The following KIDINS220 variants were observed in gnomAD, a reference collection of about 807,000 sequenced individuals.
KIDINS220 encodes the protein kinase D-interacting substrate of 220 kDa.
KIDINS220 carries 63 observed loss-of-function variants against 157.6 expected under a neutral mutation model. The ratio of observed to expected loss-of-function variants is 0.40; its 90% confidence interval spans 0.33 to 0.49. The LOEUF (loss-of-function observed/expected upper bound fraction) is 0.49, where lower values mean the gene tolerates loss of function less well. Among genes scored for constraint, KIDINS220 ranks in the 20% least tolerant of loss-of-function variants. The probability of loss-of-function intolerance (pLI) is 0.66; values close to 1 mark genes in which losing one functional copy is unlikely to be tolerated. For synonymous variants in KIDINS220, 732 were observed against 783.6 expected (o/e 0.93, Z 1.10); for missense variants, 1,772 against 2,171.2 (o/e 0.82, Z 3.65).
downstream of KIDINS220, chr2:8,726,737 A>G: frequency 2.6e-6 from 1 of 388,906 alleles, no homozygotes; most frequent in South Asian, 1.9e-5. Context: ...TCACCATGCT[A>G]TCTGCATGTC....
rs556064347 is a variant in KIDINS220 at position 8,778,284 on chromosome 2, A to G, written c.2703+355T>C. 3.9e-5 allele frequency among the ~76,000 whole-genome samples: 6 copies of G among 152,320 alleles called. No individual in the cohort carries two copies. In the East Asian group the frequency reaches 1.2e-3, roughly 29 times the overall value. ...ACAAAGCCAGGAGTTTTCTCACACT[A>G]CAAACCTTTCTCCCCTACTGCTATG... On this transcript the variant is annotated intron_variant, in intron 20 of 29. Transcript: ENST00000256707.
intron 22 of KIDINS220, 107 bp from the exon 23 acceptor site, chr2:8,751,751 A>T: frequency 1.3e-6 from 1 of 772,502 alleles, no homozygotes. Context: ...TCTTGGTCTG[A>T]TGGATTTGGT....
intron 2 of KIDINS220, among the ~76,000 whole-genome samples, chr2:8,820,054 C>T (rs1677700408): frequency 6.6e-6 from 1 of 152,160 alleles, no homozygotes; most frequent in African/African-American, 2.4e-5. Flanking sequence ...TCAAACCCTT[C>T]AATGTTTTCC....
intron 11 of KIDINS220, among the ~76,000 whole-genome samples, chr2:8,796,294 G>C (rs1003574646): frequency 1.3e-5 from 2 of 152,136 alleles, no homozygotes; most frequent in Non-Finnish European, 2.9e-5. Flanking sequence ...AAATCTATAT[G>C]AAGTATGAAG....
intron 22 of KIDINS220, chr2:8,757,155 T>C (rs1668114984): frequency 1.7e-6 from 1 of 579,072 alleles, no homozygotes; most frequent in African/African-American, 2.0e-5. Flanking sequence ...TACTAGTGTT[T>C]ATACAAACAA....
chr2:8,751,675 T>C, intron 22 of KIDINS220, 31 bp from the exon 23 acceptor site: 4 of 1,447,338 alleles, frequency 2.8e-6, no homozygotes, highest in Non-Finnish European at 3.8e-6. Context: ...AAAAAGGTTA[T>C]TAATGTCACT....
rs138179674 is a variant in KIDINS220, at chr2:8,777,776, G to A, written c.2703+863C>T. Among the ~76,000 whole-genome samples, 211 of 152,284 alleles carry A rather than the reference G, an allele frequency of 1.4e-3. 2 individuals are homozygous for A. In the East Asian group the frequency reaches 0.026, roughly 19 times the overall value. On this transcript the variant is annotated intron_variant, in intron 20 of 29. Transcript: ENST00000256707. ...GCTCTTGTCTAAGGTCCCGATGCAA[G>A]GGAAGGATGGATGCAACCATGGGGC...
intron 22 of KIDINS220, among the ~76,000 whole-genome samples, chr2:8,760,937 C>A (rs1411244915): frequency 6.6e-6 from 1 of 152,158 alleles, no homozygotes; most frequent in Non-Finnish European, 1.5e-5. Flanking sequence ...CAAAGCAATA[C>A]TTTCAGCTAG....
chr2:8,737,100 TA>T, intron 26 of KIDINS220, 101 bp from the exon 27 acceptor site: 2 of 1,143,442 alleles, frequency 1.7e-6, no homozygotes, highest in Non-Finnish European at 2.4e-6. Context: ...TACCATGAAG[TA>T]AAGTAAAAAA....
Position 8,730,200 on chromosome 2 carries a change from C to T in KIDINS220, c.*520G>A. The T allele has an allele frequency of 6.1e-6, 6 of 986,822 alleles. No homozygotes were observed. Among genetic ancestry groups the T allele is most frequent in the Non-Finnish European group, 7.2e-6 (6 of 831,046 alleles). 61.1% of individuals were successfully genotyped at this position (986,822 alleles called of 1,614,324 possible). The stretch of plus-strand genomic sequence containing the variant: ...TCAGAACCTCTGTGATAAGCAATAC[C>T]CCTGCCATACAGAACGCTGGATCTC... On this transcript the variant is annotated 3_prime_UTR_variant, in exon 30 of 30. Coordinates refer to ENST00000256707, the MANE Select transcript of KIDINS220 (RefSeq NM_020738.4).
chr2:8,786,372 C>A lies in KIDINS220; in HGVS notation c.1788-15G>T. 6.3e-7 allele frequency: 1 copy of A among 1,596,952 alleles called. No homozygotes were observed. Among genetic ancestry groups the A allele is most frequent in the Non-Finnish European group, 8.6e-7 (1 of 1,165,792 alleles). ...TAAACAAAAACCTTGAAGAAAAGAA[C>A]AAATCAAACATTACTTTATTATCTA... On this transcript the variant is annotated splice_polypyrimidine_tract_variant and intron_variant, in intron 15 of 29. Transcript: ENST00000256707.
downstream of KIDINS220, among the ~76,000 whole-genome samples, chr2:8,727,924 T>C (rs1038498693): frequency 6.6e-6 from 1 of 152,196 alleles, no homozygotes; most frequent in Non-Finnish European, 1.5e-5. Flanking sequence ...TTTCCAGTCT[T>C]CTCCTGCAGA....
At chr2:8,834,787 C>T (rs528431759) in intron 1 of KIDINS220, among the ~76,000 whole-genome samples, 25 of 152,080 alleles carry the variant, frequency 1.6e-4, no homozygotes, top group Non-Finnish European at 2.8e-4. Context: ...ACCCCCCTCG[C>T]GGGTCACCTA....
intron 13 of KIDINS220, 135 bp downstream of exon 13, chr2:8,790,925 C>G: frequency 1.5e-6 from 1 of 649,774 alleles, no homozygotes; most frequent in South Asian, 3.0e-5. Flanking sequence ...AAGGACCAAC[C>G]AGAGGGGAGT....
At chr2:8,772,837 A>G (rs1019371183) in intron 21 of KIDINS220, among the ~76,000 whole-genome samples, 15 of 152,156 alleles carry the variant, frequency 9.9e-5, no homozygotes, top group Non-Finnish European at 1.6e-4. Flanking sequence ...AATAGCAACT[A>G]TTTGCATGGT....
chr2:8,799,345 A>C (rs1301605263), intron 9 of KIDINS220, among the ~76,000 whole-genome samples: 3 of 151,532 alleles, frequency 2.0e-5, no homozygotes, highest in Admixed American at 1.3e-4. Context: ...GTCACAGCTC[A>C]CTATAACCTC....
At chr2:8,816,529 T>C (rs1677096256) in intron 4 of KIDINS220, among the ~76,000 whole-genome samples, 1 of 152,230 alleles carries the variant, frequency 6.6e-6, no homozygotes, top group African/African-American at 2.4e-5. Context: ...ATTGGTATGG[T>C]ACCTATTCCA....
At chr2:8,733,111 A>G (rs1052486944) in intron 29 of KIDINS220, among the ~76,000 whole-genome samples, 2 of 152,212 alleles carry the variant, frequency 1.3e-5, no homozygotes, top group Non-Finnish European at 2.9e-5. Context: ...ACAGTTACTG[A>G]ATGCAACAGG....
At chr2:8,812,356 T>C (rs890876291) in intron 6 of KIDINS220, 39 bp downstream of exon 6, 7 of 1,120,860 alleles carry the variant, frequency 6.2e-6, no homozygotes, top group South Asian at 2.9e-5. Context: ...TGAGTGGACA[T>C]AACATGGACT....
Sources: gnomAD v4.1 joint callset for allele counts (sites outside exome capture counted in the v4.1 genomes callset) on GRCh38, gnomAD v4.1.1 for gene constraint, MANE v1.5 for transcripts, NCBI Gene and HGNC (gene_info 2026-07-23, HGNC 2026-07-21) for gene names.